The following CPQ variants were observed in gnomAD, a reference collection of about 807,000 sequenced individuals.
CPQ encodes the protein Ser-Met dipeptidase.
A neutral mutation model predicts 45.7 loss-of-function variants in CPQ; 37 were observed. The ratio of observed to expected loss-of-function variants is 0.81; its 90% CI spans 0.62 to 1.07. The LOEUF is 1.07. Ranked by LOEUF, CPQ falls within the 50% of genes least tolerant of loss-of-function variation. The pLI, the probability that CPQ is intolerant of heterozygous loss-of-function variation, is 0.00. For synonymous variants in CPQ, 186 were observed against 205.8 expected (o/e 0.90, Z 0.82); for missense variants, 537 against 572.9 (o/e 0.94, Z 0.64).
At chr8:97,015,777 C>T (rs1809568811) in intron 5 of CPQ, among the ~76,000 whole-genome samples, 1 of 151,980 alleles carries the variant, frequency 6.6e-6, no homozygotes, top group Non-Finnish European at 1.5e-5. Context: ...TCCTTAAATG[C>T]CCAATAATAA....
intron 1 of CPQ, among the ~76,000 whole-genome samples, chr8:96,704,417 G>A (rs929382489): frequency 1.3e-5 from 2 of 152,078 alleles, no homozygotes; most frequent in African/African-American, 4.8e-5. Flanking sequence ...GGTAATGCTA[G>A]GAAGTGTATT....
chr8:96,819,061 C>G (rs1317348557), intron 2 of CPQ, among the ~76,000 whole-genome samples: 2 of 151,948 alleles, frequency 1.3e-5, no homozygotes, highest in African/African-American at 2.4e-5. Context: ...TCCTCTACTC[C>G]GTAACTGAAA....
chr8:97,045,995 G>A (rs891864249), intron 6 of CPQ, among the ~76,000 whole-genome samples: 1 of 152,212 alleles, frequency 6.6e-6, no homozygotes, highest in Admixed American at 6.5e-5. Flanking sequence ...AGGGAACTGA[G>A]CCCCAGAATT....
intron 1 of CPQ, among the ~76,000 whole-genome samples, chr8:96,729,576 C>A (rs1479532757): frequency 6.6e-6 from 1 of 152,134 alleles, no homozygotes; most frequent in Non-Finnish European, 1.5e-5. Flanking sequence ...ATATACACAT[C>A]ATCTGGATTT....
At chr8:96,713,510 T>TTC (rs1465029902) in intron 1 of CPQ, among the ~76,000 whole-genome samples, 3 of 152,198 alleles carry the variant, frequency 2.0e-5, no homozygotes, top group African/African-American at 7.2e-5. Context: ...CACATCCTTC[T>TTC]TCACATGGTG....
intron 6 of CPQ, among the ~76,000 whole-genome samples, chr8:97,036,184 C>G (rs775119434): frequency 3.3e-5 from 5 of 152,010 alleles, no homozygotes; most frequent in Non-Finnish European, 7.4e-5. Context: ...TAACCACGGC[C>G]GACTCCCAAG....
intron 6 of CPQ, among the ~76,000 whole-genome samples, chr8:97,049,830 A>C (rs1346417801): frequency 6.6e-6 from 1 of 152,210 alleles, no homozygotes; most frequent in African/African-American, 2.4e-5. Context: ...GGTCATTAGC[A>C]GTGAAGCATT....
At chr8:96,749,983 G>C (rs1183416552) in intron 1 of CPQ, among the ~76,000 whole-genome samples, 1 of 151,800 alleles carries the variant, frequency 6.6e-6, no homozygotes, top group Non-Finnish European at 1.5e-5. Context: ...ATCTATACAA[G>C]GTAATATCAC....
chr8:96,661,243 A>C (rs533542312), intron 1 of CPQ, among the ~76,000 whole-genome samples: 56 of 152,306 alleles, frequency 3.7e-4, no homozygotes, highest in African/African-American at 1.3e-3. Flanking sequence ...TTAGATTGAG[A>C]AGGTGTAGAA....
At position 96,879,916 on chromosome 8, in the gene CPQ, A is replaced by T. The variant is rs935697062; in HGVS notation, c.760A>T (p.Ile254Phe). 5 of 1,614,126 alleles carry T rather than the reference A, an allele frequency of 3.1e-6. No homozygotes were observed. The highest frequency in any genetic ancestry group is 2.2e-5 in the East Asian group (1 of 44,874). Residue 254 changes from isoleucine (I) to phenylalanine (F), a missense_variant, in exon 4 of 8, where the codon ATT becomes TTT. Ile to Phe is a conservative substitution (Grantham distance 21, BLOSUM62 0). Coordinates refer to ENST00000220763, the MANE Select transcript of CPQ (RefSeq NM_016134.4). ...RMASHGIKIV[I>F]QLKMGAKTYP... Reference sequence around the variant, plus strand: ...GGCTTCTCATGGGATCAAAATTGTCATTCAGCTAAAGATGGGGGCAAAGAC... The same window carrying T: ...GGCTTCTCATGGGATCAAAATTGTCTTTCAGCTAAAGATGGGGGCAAAGAC...
chr8:96,869,346 C>T (rs1029591046), intron 3 of CPQ, among the ~76,000 whole-genome samples: 1 of 151,934 alleles, frequency 6.6e-6, no homozygotes, highest in African/African-American at 2.4e-5. Context: ...GAGCAGCCTA[C>T]CATAGTGATG....
At chr8:97,118,187 A>C (rs73268790) in intron 7 of CPQ, among the ~76,000 whole-genome samples, 5,633 of 152,280 alleles carry the variant, frequency 0.037, 365 homozygotes, top group African/African-American at 0.13. Context: ...TAATGTAAGG[A>C]AGTTGAAAGA....
intron 1 of CPQ, among the ~76,000 whole-genome samples, chr8:96,667,351 C>CTTTTTTT (rs376559950): frequency 7.4e-6 from 1 of 135,010 alleles, no homozygotes; most frequent in African/African-American, 2.7e-5. Context: ...TTATCTTTTT[C>CTTTTTTT]TTTTTTTTTT....
At chr8:97,086,673 T>C (rs932262201) in intron 7 of CPQ, among the ~76,000 whole-genome samples, 3 of 152,136 alleles carry the variant, frequency 2.0e-5, no homozygotes, top group Non-Finnish European at 4.4e-5. Context: ...TGGATTTGTG[T>C]CTAAATTATC....
At chr8:97,130,420 GTTTTTT>G (rs67911510) in intron 7 of CPQ, among the ~76,000 whole-genome samples, 2 of 125,356 alleles carry the variant, frequency 1.6e-5, no homozygotes, top group African/African-American at 2.9e-5. Flanking sequence ...ATCGTCAGCT[GTTTTTT>G]TTTTTTTTTT....
chr8:96,978,009 C>T (rs1346800149), intron 5 of CPQ, among the ~76,000 whole-genome samples: 5 of 152,078 alleles, frequency 3.3e-5, no homozygotes, highest in African/African-American at 1.2e-4. Context: ...TGTTCCTTTC[C>T]TTTTTTTAAT....
intron 1 of CPQ, among the ~76,000 whole-genome samples, chr8:96,665,030 T>C (rs1808900724): frequency 6.6e-6 from 1 of 152,214 alleles, no homozygotes; most frequent in African/African-American, 2.4e-5. Context: ...AAACTCAGAC[T>C]GTGGGGTACT....
intron 5 of CPQ, among the ~76,000 whole-genome samples, chr8:96,985,725 G>A (rs1586480790): frequency 6.6e-6 from 1 of 152,048 alleles, no homozygotes; most frequent in Non-Finnish European, 1.5e-5. Context: ...TGTTTTCAAA[G>A]GCGTTGTAAA....
chr8:96,757,354 GATAATAATAATA>G (rs3036414), intron 1 of CPQ, among the ~76,000 whole-genome samples: 6,144 of 139,294 alleles, frequency 0.044, 228 homozygotes, highest in East Asian at 0.11. Flanking sequence ...CCATCTCAAT[GATAATAATAATA>G]ATAATAATAA....
Sources: allele counts gnomAD v4.1 joint callset (sites outside exome capture counted in the v4.1 genomes callset), GRCh38; gene constraint gnomAD v4.1.1; transcripts MANE v1.5; gene names NCBI Gene and HGNC (gene_info 2026-07-23, HGNC 2026-07-21).